Variants in NUP93 observed in about 807,000 individuals in gnomAD.
The protein encoded by NUP93 is nuclear pore complex protein Nup93.
Under a neutral mutation model 107.8 loss-of-function variants are expected in NUP93, and 55 were observed. The observed-to-expected ratio is 0.51, with a 90% confidence interval of 0.41 to 0.64. NUP93 has a LOEUF of 0.64. Among genes scored for constraint, NUP93 ranks in the 30% least tolerant of loss-of-function variants. The probability of loss-of-function intolerance (pLI) is 0.00; values close to 1 mark genes in which losing one functional copy is unlikely to be tolerated. For missense variants in NUP93, 937 were observed against 1,044.7 expected (o/e 0.90, Z 1.42); for synonymous variants, 390 against 397.5 (o/e 0.98, Z 0.22).
intron 20 of NUP93, 69 bp downstream of exon 20, chr16:56,839,673 T>C (rs2086058854): frequency 8.3e-7 from 1 of 1,206,134 alleles, no homozygotes; most frequent in Non-Finnish European, 1.2e-6. Context: ...TTTCTTTTCC[T>C]GTACCTAACA....
chr16:56,814,548 C>T (rs1963380937), intron 5 of NUP93, among the ~76,000 whole-genome samples: 2 of 152,146 alleles, frequency 1.3e-5, no homozygotes, highest in South Asian at 4.1e-4. Flanking sequence ...TTTTATGCAT[C>T]CCTGAATACA....
chr16:56,767,548 T>C (rs1402812502), intron 3 of NUP93, among the ~76,000 whole-genome samples: 3 of 152,198 alleles, frequency 2.0e-5, no homozygotes, highest in Non-Finnish European at 2.9e-5. Flanking sequence ...GAGAGTTTCC[T>C]CCACTCCTCC....
chr16:56,776,299 T>C (rs1414599448), intron 3 of NUP93, among the ~76,000 whole-genome samples: 1 of 152,188 alleles, frequency 6.6e-6, no homozygotes, highest in Non-Finnish European at 1.5e-5. Flanking sequence ...AGGAGTCTTT[T>C]ATTTTGTATT....
Position 56,831,925 on chromosome 16 carries a change from T to C in NUP93, c.1169T>C (p.Val390Ala). 6.2e-7 allele frequency: 1 copy of C among 1,614,056 alleles called. No homozygotes were observed. The highest frequency in any genetic ancestry group is 8.5e-7 in the Non-Finnish European group (1 of 1,179,980). ...AATACAGATCCCTACAAGCGGGCCG[T>C]GTACTGTATCATTGGCAGATGTGAC... is the stretch of plus-strand genomic sequence containing the variant. Reference protein sequence around the residue: ...RNNTDPYKRAVYCIIGRCDVT... With the variant: ...RNNTDPYKRAAYCIIGRCDVT... The change falls in exon 11 of 22, where the codon GTG becomes GCG. Residue 390 changes from valine (V) to alanine (A), a missense_variant. Val to Ala is a moderately conservative substitution (Grantham distance 64). Transcript: ENST00000308159.
At chr16:56,819,543 G>T (rs935249682) in intron 6 of NUP93, among the ~76,000 whole-genome samples, 4 of 152,110 alleles carry the variant, frequency 2.6e-5, no homozygotes, top group African/African-American at 9.7e-5. Context: ...GGGACCCAGG[G>T]GTCCCACTTG....
intron 3 of NUP93, among the ~76,000 whole-genome samples, chr16:56,777,628 G>A (rs1367104443): frequency 6.6e-6 from 1 of 152,172 alleles, no homozygotes; most frequent in Non-Finnish European, 1.5e-5. Flanking sequence ...GGACAGATGA[G>A]CTGTGAATGC....
chr16:56,808,724 T>A (rs190255013), intron 5 of NUP93, among the ~76,000 whole-genome samples: 6 of 29,822 alleles, frequency 2.0e-4, no homozygotes, highest in East Asian at 0.023. Context: ...TAAATATATA[T>A]AAATACATAT....
chr16:56,821,056 A>G (rs1234925845), intron 6 of NUP93, among the ~76,000 whole-genome samples: 1 of 152,200 alleles, frequency 6.6e-6, no homozygotes, highest in Non-Finnish European at 1.5e-5. Context: ...CATGTGCCAC[A>G]CCTGCTATTC....
At chr16:56,783,143 C>G (rs1031802716) in intron 3 of NUP93, among the ~76,000 whole-genome samples, 8 of 152,226 alleles carry the variant, frequency 5.3e-5, no homozygotes, top group Admixed American at 3.3e-4. Context: ...AAAGCAACAA[C>G]AAAATATGAT....
intron 9 of NUP93, 99 bp from the exon 10 acceptor site, chr16:56,830,429 A>G (rs1369509691): frequency 1.8e-6 from 2 of 1,134,080 alleles, no homozygotes; most frequent in Non-Finnish European, 2.5e-6. Context: ...AGATTAAGTG[A>G]CATATTATAA....
intron 8 of NUP93, among the ~76,000 whole-genome samples, chr16:56,827,980 C>T (rs541693555): frequency 2.0e-5 from 3 of 152,102 alleles, no homozygotes; most frequent in South Asian, 4.2e-4. Context: ...ATTAGCTGGG[C>T]GTGGTGGCCC....
intron 20 of NUP93, 134 bp from the exon 21 acceptor site, chr16:56,841,571 T>G: frequency 1.8e-6 from 2 of 1,083,492 alleles, no homozygotes; most frequent in Non-Finnish European, 2.6e-6. Flanking sequence ...TTTGGGTGAC[T>G]GTGTGGCTCT....
intron 3 of NUP93, chr16:56,782,770 C>A (rs1209748835): frequency 1.3e-5 from 2 of 151,984 alleles, no homozygotes; most frequent in East Asian, 3.8e-4. Flanking sequence ...TTTTTTTGAA[C>A]TATCTCACAG....
rs1029722166 is a variant in NUP93, at chr16:56,847,975, G to C, written c.*3366G>C. On this transcript the variant is annotated 3_prime_UTR_variant, in exon 22 of 22. Coordinates refer to ENST00000308159, the MANE Select transcript of NUP93 (RefSeq NM_014669.5). ...CATTTGCTGACCAAAAAAAACCTGA[G>C]GGTGATTTTTCTCTCTTTGAATTTT... is the stretch of plus-strand genomic sequence containing the variant. 5 of 152,308 alleles carry C rather than the reference G, an allele frequency of 3.3e-5. No homozygotes were observed. The highest frequency in any genetic ancestry group is 7.3e-5 in the Non-Finnish European group (5 of 68,028). The allele number at this position is 152,308 out of a possible 1,614,324, so 9.4% of individuals were successfully genotyped here.
chr16:56,800,182 C>T (rs1324237147), intron 4 of NUP93, among the ~76,000 whole-genome samples: 4 of 151,816 alleles, frequency 2.6e-5, no homozygotes, highest in African/African-American at 9.7e-5. Flanking sequence ...GACTCTGTCT[C>T]AAAAAAATAA....
rs116773978 is a variant in NUP93 at position 56,760,354 on chromosome 16, C to A, written c.297+1699C>A. ...ACCAGCCTGGACGACATAGTGATAC[C>A]CCCTGTATTTGGCCATCCTTGCATT... On this transcript the variant is annotated intron_variant, in intron 3 of 21. Coordinates refer to ENST00000308159, the MANE Select transcript of NUP93 (RefSeq NM_014669.5). Among the ~76,000 whole-genome samples, 881 of 152,226 alleles carry A rather than the reference C, an allele frequency of 5.8e-3. 12 individuals are homozygous for A. Among genetic ancestry groups the A allele is most frequent in the African/African-American group, 0.02 (839 of 41,536 alleles).
At chr16:56,736,186 C>G (rs146513650) in intron 1 of NUP93, among the ~76,000 whole-genome samples, 1 of 152,090 alleles carries the variant, frequency 6.6e-6, no homozygotes, top group Admixed American at 6.5e-5. Flanking sequence ...AAAAATTACC[C>G]TGGCGTGATG....
Position 56,849,121 on chromosome 16 carries a change from A to G in NUP93, c.*4512A>G, listed in dbSNP as rs1012877776. The G allele has an allele frequency of 2.6e-5, 4 of 152,190 alleles. No homozygotes were observed. Among genetic ancestry groups the G allele is most frequent in the Non-Finnish European group, 5.9e-5 (4 of 68,048 alleles). The allele number at this position is 152,190 out of a possible 1,614,324, so 9.4% of individuals were successfully genotyped here. ...TCCCCACATCCTCTGGATCAGCTCCACGTGCCTAGATTCAGACTCCGTGAT... is the reference window on the plus strand; with the variant it reads ...TCCCCACATCCTCTGGATCAGCTCCGCGTGCCTAGATTCAGACTCCGTGAT... On this transcript the variant is annotated 3_prime_UTR_variant, in exon 22 of 22. Transcript: ENST00000308159.
In NUP93 at chr16:56,805,763, T is replaced by G. The variant is rs2144573769; in HGVS notation, c.489+131T>G. 4.9e-6 allele frequency: 5 copies of G among 1,024,678 alleles called. No individual in the cohort carries two copies. The East Asian group carries it at 1.4e-4, about 28-fold the overall frequency. The allele number at this position is 1,024,678 out of a possible 1,614,324, so 63.5% of individuals were successfully genotyped here. ...TTGAAACACTTTCTTCACTTAGCTT[T>G]TAGGATGCCGCATTTGCCTGGACTT... On this transcript the variant is annotated intron_variant, in intron 5 of 21. Transcript: ENST00000308159.
Sources: gnomAD v4.1 joint callset for allele counts (sites outside exome capture counted in the v4.1 genomes callset) on GRCh38, gnomAD v4.1.1 for gene constraint, MANE v1.5 for transcripts, NCBI Gene and HGNC (gene_info 2026-07-23, HGNC 2026-07-21) for gene names.